CZIB: variants seen among roughly 807,000 people sequenced by gnomAD.
CZIB encodes the protein CXXC motif containing zinc binding protein.
In CZIB, 26 loss-of-function variants were observed where a neutral mutation model predicts 28.3. The observed-to-expected ratio is 0.92, with a 90% CI of 0.67 to 1.27. The LOEUF (loss-of-function observed/expected upper bound fraction) is 1.27. Among genes scored for constraint, CZIB ranks in the 50% most tolerant of loss-of-function variants. CZIB has a pLI of 0.00. For missense variants in CZIB, 179 were observed against 197.3 expected (o/e 0.91, Z 0.56); for synonymous variants, 78 against 71.1 (o/e 1.10, Z -0.49).
intron 6 of CZIB, 48 bp from the exon 7 acceptor site, chr1:53,216,104 T>C: frequency 6.3e-7 from 1 of 1,597,616 alleles, no homozygotes; most frequent in Non-Finnish European, 8.6e-7. Flanking sequence ...AAGAAGGCAT[T>C]GGGCTATAAG....
In CZIB at chr1:53,220,601, C is replaced by T; in HGVS notation, c.-26G>A. The T allele has an allele frequency of 1.3e-6, 2 of 1,595,718 alleles. No homozygotes were observed. Among genetic ancestry groups the T allele is most frequent in the South Asian group, 1.1e-5 (1 of 90,756 alleles). ...GGTAGCCCTCTCCGCCCGGTGCTGG[C>T]TGCGGCCCTTGCCGTTGCTTTCCGG... On this transcript the variant is annotated 5_prime_UTR_variant, in exon 1 of 8. Transcript: ENST00000294360.
rs12567834 is a variant in CZIB, at chr1:53,217,355, C to T, written c.262-496G>A. On this transcript the variant is annotated intron_variant, in intron 5 of 7. Coordinates refer to ENST00000294360, the MANE Select transcript of CZIB (RefSeq NM_017887.3). Reference sequence around the variant, plus strand: ...AGCCTTTTGCTGACCATCTGCCATGCAGTAAGGGCAGAGGGCTGTCTTATA... The same window carrying T: ...AGCCTTTTGCTGACCATCTGCCATGTAGTAAGGGCAGAGGGCTGTCTTATA... 2.5e-3 allele frequency: 386 copies of T among 156,330 alleles called. 9 individuals carry two copies. The East Asian group carries it at 0.065, about 26-fold the overall frequency. The allele number at this position is 156,330 out of a possible 1,614,324, so 9.7% of individuals were successfully genotyped here. A position where few individuals can be genotyped will look rare whatever the true frequency, so the allele number is the denominator to read the frequency against.
intron 7 of CZIB, 130 bp from the exon 8 acceptor site, chr1:53,214,866 A>G: frequency 3.1e-6 from 2 of 645,400 alleles, no homozygotes; most frequent in Middle Eastern, 3.0e-4. Flanking sequence ...GACCCTGAAC[A>G]GAGCCAGATA....
intron 7 of CZIB, among the ~76,000 whole-genome samples, chr1:53,215,098 G>C (rs1324101607): frequency 1.3e-5 from 2 of 152,170 alleles, no homozygotes; most frequent in Non-Finnish European, 1.5e-5. Flanking sequence ...CCAGCACTTT[G>C]GGAGGCCAAG....
chr1:53,215,952 G>C (rs1262255773), intron 7 of CZIB, 39 bp downstream of exon 7: 4 of 1,589,056 alleles, frequency 2.5e-6, no homozygotes, highest in East Asian at 2.2e-5. Context: ...TTCCCACCAG[G>C]TGCCCTACAG....
chr1:53,214,851 T>C (rs1318731394), intron 7 of CZIB, 115 bp from the exon 8 acceptor site: 1 of 776,160 alleles, frequency 1.3e-6, no homozygotes, highest in Admixed American at 2.3e-5. Flanking sequence ...ATCATGAACA[T>C]GTATGACCCT....
chr1:53,219,255 T>C, intron 2 of CZIB: 1 of 339,284 alleles, frequency 2.9e-6, no homozygotes, highest in Non-Finnish European at 5.5e-6. Context: ...AAATTACAGC[T>C]ATATGGGAGG....
chr1:53,218,177 A>C lies in CZIB; in HGVS notation c.256T>G (p.Tyr86Asp). The C allele has an allele frequency of 6.2e-7, 1 of 1,614,166 alleles. No individual in the cohort carries two copies. The highest frequency in any genetic ancestry group is 8.5e-7 in the Non-Finnish European group (1 of 1,179,988). Residue 86 changes from tyrosine (Y) to aspartate (D), a missense_variant, in exon 5 of 8, where the codon TAC becomes GAC. Tyr to Asp is a radical substitution (Grantham distance 160). Transcript: ENST00000294360. ...IEILSSTIKP[Y>D]NAEDNENFKT... ...CACTACAGCAGCAAACTTACATTGT[A>C]AGGCTTGATGGTGCTGCTTAAAATC...
At position 53,214,589 on chromosome 1, in the gene CZIB, CTG is replaced by C; in HGVS notation, c.*68_*69del. ...AGACAAGGGTCAAAGGAACGAGCCTCTGTGGGCTCTGCTGCTTAGAGTACTTT... is the reference window on the plus strand; with the variant it reads ...AGACAAGGGTCAAAGGAACGAGCCTCTGGGCTCTGCTGCTTAGAGTACTTT... On this transcript the variant is annotated 3_prime_UTR_variant, in exon 8 of 8. Coordinates refer to ENST00000294360, the MANE Select transcript of CZIB (RefSeq NM_017887.3). The C allele has an allele frequency of 2.9e-6, 4 of 1,377,554 alleles. No homozygotes were observed. The highest frequency in any genetic ancestry group is 3.1e-6 in the Non-Finnish European group (3 of 971,916). 85.3% of individuals were successfully genotyped at this position (1,377,554 alleles called of 1,614,324 possible). A position where few individuals can be genotyped will look rare whatever the true frequency, so the allele number is the denominator to read the frequency against.
chr1:53,214,292 T>C lies in CZIB; in HGVS notation c.*367A>G, dbSNP rs1245060502. 2 of 210,106 alleles carry C rather than the reference T, an allele frequency of 9.5e-6. No individual in the cohort carries two copies. The highest frequency in any genetic ancestry group is 5.2e-5 in the Admixed American group (1 of 19,050). The allele number at this position is 210,106 out of a possible 1,614,324, so 13.0% of individuals were successfully genotyped here. On this transcript the variant is annotated 3_prime_UTR_variant, in exon 8 of 8. Coordinates refer to ENST00000294360, the MANE Select transcript of CZIB (RefSeq NM_017887.3). ...AGTTCAGGTAACAGTACGTCACCAT[T>C]GGCTTCTGGCTCATTGAGTGATGGT... is the stretch of plus-strand genomic sequence containing the variant.
chr1:53,216,269 CCAGAAGG>C (rs1205537172), intron 6 of CZIB, among the ~76,000 whole-genome samples: 2 of 152,158 alleles, frequency 1.3e-5, no homozygotes, highest in Admixed American at 1.3e-4. Flanking sequence ...CAGCCTTGGA[CCAGAAGG>C]CAGCAGGGGC....
intron 4 of CZIB, 58 bp from the exon 5 acceptor site, chr1:53,218,261 G>A: frequency 6.3e-7 from 1 of 1,598,612 alleles, no homozygotes; most frequent in South Asian, 1.1e-5. Flanking sequence ...CCCCAGCCAG[G>A]TGCCCACATG....
rs1025887952 is a variant in CZIB, at chr1:53,218,598, C to T, written c.148-103G>A. On this transcript the variant is annotated intron_variant, in intron 3 of 7. Transcript: ENST00000294360. ...TTGTCCACTTAAAGAGACCAAGACC[C>T]AGAAAGGGTAACTTACTAGGACAAG... 3 of 1,200,066 alleles carry T rather than the reference C, an allele frequency of 2.5e-6. No individual in the cohort carries two copies. In the African/African-American group the frequency reaches 4.6e-5, roughly 18 times the overall value. The allele number at this position is 1,200,066 out of a possible 1,614,324, so 74.3% of individuals were successfully genotyped here. A position where few individuals can be genotyped will look rare whatever the true frequency, so the allele number is the denominator to read the frequency against.
At chr1:53,220,233 C>T in intron 2 of CZIB, 28 bp downstream of exon 2, 1 of 1,602,820 alleles carries the variant, frequency 6.2e-7, no homozygotes, top group Non-Finnish European at 8.5e-7. Flanking sequence ...GACGGGCCTC[C>T]TCTCCCCGGG....
chr1:53,214,389 T>A lies in CZIB; in HGVS notation c.*270A>T. 1 of 406,570 alleles carries A rather than the reference T, an allele frequency of 2.5e-6. No individual in the cohort carries two copies. Among genetic ancestry groups the A allele is most frequent in the Non-Finnish European group, 4.5e-6 (1 of 223,622 alleles). The allele number at this position is 406,570 out of a possible 1,614,324, so 25.2% of individuals were successfully genotyped here. ...ACCATCTCCTTAAAAATACTCTTCA[T>A]TTTCCTAAGGAGTGAACTGCTGCTG... On this transcript the variant is annotated 3_prime_UTR_variant, in exon 8 of 8. Coordinates refer to ENST00000294360, the MANE Select transcript of CZIB (RefSeq NM_017887.3).
At chr1:53,218,735 C>T (rs757183059) in intron 3 of CZIB, 132 bp downstream of exon 3, 3 of 958,652 alleles carry the variant, frequency 3.1e-6, no homozygotes, top group Non-Finnish European at 4.9e-6. Flanking sequence ...ACACTGACAC[C>T]TACCCTCCCA....
In CZIB at chr1:53,220,291, G is replaced by T. The variant is rs775591198; in HGVS notation, c.60C>A (p.Pro20=). The T allele has an allele frequency of 3.7e-6, 6 of 1,613,442 alleles. No homozygotes were observed. The highest frequency in any genetic ancestry group is 1.1e-5 in the South Asian group (1 of 91,088). The change falls in exon 2 of 8, where the codon CCC becomes CCA. Residue 20 remains proline (P), a synonymous_variant. Coordinates refer to ENST00000294360, the MANE Select transcript of CZIB (RefSeq NM_017887.3). Reference sequence around the variant, plus strand: ...GGTACCACCGGAAGTCCTCGCCCACGGGCCGGAGGTTGGTGATGTTCTCCA... The same window carrying T: ...GGTACCACCGGAAGTCCTCGCCCACTGGCCGGAGGTTGGTGATGTTCTCCA... ...ATLENITNLR[P]VGEDFRWYLK... is the part of the protein sequence containing the mutation.
chr1:53,214,346 G>A lies in CZIB; in HGVS notation c.*313C>T, dbSNP rs749276489. On this transcript the variant is annotated 3_prime_UTR_variant, in exon 8 of 8. Coordinates refer to ENST00000294360, the MANE Select transcript of CZIB (RefSeq NM_017887.3). ...ATCGCGGTTTCATCTCTGTAAACTT[G>A]CCCTTGACTGGGGAGATACCATCTC... is the stretch of plus-strand genomic sequence containing the variant. 14 of 290,504 alleles carry A rather than the reference G, an allele frequency of 4.8e-5. No individual in the cohort carries two copies. The highest frequency in any genetic ancestry group is 7.9e-5 in the Non-Finnish European group (12 of 152,862). The allele number at this position is 290,504 out of a possible 1,614,324, so 18.0% of individuals were successfully genotyped here. A position where few individuals can be genotyped will look rare whatever the true frequency, so the allele number is the denominator to read the frequency against.
At chr1:53,219,043 T>C in intron 2 of CZIB, 120 bp from the exon 3 acceptor site, 3 of 826,988 alleles carry the variant, frequency 3.6e-6, no homozygotes, top group Admixed American at 1.9e-5. Context: ...CAATCTCACT[T>C]CATCCCTAAC....
Sources: allele counts gnomAD v4.1 joint callset (sites outside exome capture counted in the v4.1 genomes callset), GRCh38; gene constraint gnomAD v4.1.1; transcripts MANE v1.5; gene names NCBI Gene and HGNC (gene_info 2026-07-23, HGNC 2026-07-21).